The following NALF1 variants were observed in gnomAD, a reference collection of about 807,000 sequenced individuals.
The protein encoded by NALF1 is NALCN channel auxiliary factor 1, also known as family with sequence similarity 155 member A.
A neutral mutation model predicts 48.4 loss-of-function variants in NALF1; 3 were observed. That is an observed-to-expected ratio of 0.06 (90% CI 0.03 to 0.16). NALF1 has a LOEUF of 0.16. Among genes scored for constraint, NALF1 ranks in the 10% least tolerant of loss-of-function variants. The probability of loss-of-function intolerance (pLI) is 1.00; values close to 1 mark genes in which losing one functional copy is unlikely to be tolerated. For synonymous variants in NALF1, 262 were observed against 245.7 expected (o/e 1.07, Z -0.62); for missense variants, 526 against 571.5 (o/e 0.92, Z 0.81).
At chr13:107,437,856 A>G (rs1884488181) in intron 1 of NALF1, among the ~76,000 whole-genome samples, 1 of 152,192 alleles carries the variant, frequency 6.6e-6, no homozygotes. Flanking sequence ...TTTTACCTCG[A>G]AAACAGAAAG....
rs556803962 is a variant in NALF1 at position 107,456,811 on chromosome 13, ATGG to A, written c.916-246059_916-246057del. ...TTGAAATTACCATAAACTCTAGGAA[ATGG>A]TAGCATTTCCTTAAGAGGTAAGAGT... On this transcript the variant is annotated intron_variant, in intron 1 of 2. Transcript: ENST00000375915. 3.3e-5 allele frequency among the ~76,000 whole-genome samples: 5 copies of A among 152,304 alleles called. No homozygotes were observed. In the South Asian group the frequency reaches 1.0e-3, roughly 32 times the overall value.
At chr13:107,500,267 T>C (rs931789141) in intron 1 of NALF1, among the ~76,000 whole-genome samples, 19 of 152,100 alleles carry the variant, frequency 1.2e-4, no homozygotes, top group Admixed American at 9.8e-4. Flanking sequence ...GGGTAACAAA[T>C]AAAGAATAGA....
At chr13:107,731,735 A>C (rs377577835) in intron 1 of NALF1, among the ~76,000 whole-genome samples, 2 of 152,108 alleles carry the variant, frequency 1.3e-5, no homozygotes, top group African/African-American at 2.4e-5. Flanking sequence ...ACATGATCTC[A>C]TTCCTTTTTA....
chr13:107,382,088 C>T (rs532341432), intron 1 of NALF1, among the ~76,000 whole-genome samples: 1 of 152,312 alleles, frequency 6.6e-6, no homozygotes, highest in Non-Finnish European at 1.5e-5. Context: ...TCATCTCTTG[C>T]TGGGCTTCTG....
At chr13:107,751,878 A>G (rs1358597354) in intron 1 of NALF1, among the ~76,000 whole-genome samples, 1 of 152,158 alleles carries the variant, frequency 6.6e-6, no homozygotes, top group East Asian at 1.9e-4. Flanking sequence ...AATTTAAAAT[A>G]ATATCAAAAC....
intron 1 of NALF1, among the ~76,000 whole-genome samples, chr13:107,254,059 T>TAAAAAAAAAAAA (rs1466572812): frequency 2.4e-5 from 3 of 127,024 alleles, no homozygotes; most frequent in Admixed American, 8.5e-5. Context: ...GAGCAAGTAC[T>TAAAAAAAAAAAA]AAAATATATA....
chr13:107,690,451 T>C (rs538329915), intron 1 of NALF1, among the ~76,000 whole-genome samples: 10 of 152,300 alleles, frequency 6.6e-5, no homozygotes, highest in South Asian at 2.1e-4. Flanking sequence ...TCTGGAATGA[T>C]AGATTTTACG....
chr13:107,278,793 A>C (rs1881330350), intron 1 of NALF1, among the ~76,000 whole-genome samples: 1 of 152,232 alleles, frequency 6.6e-6, no homozygotes, highest in Middle Eastern at 3.2e-3. Context: ...AATATGCTAG[A>C]AGAAGATCAT....
chr13:107,328,654 T>C (rs751733775), intron 1 of NALF1, among the ~76,000 whole-genome samples: 5 of 152,164 alleles, frequency 3.3e-5, no homozygotes, highest in African/African-American at 4.8e-5. Flanking sequence ...AATGCCTCAA[T>C]CAATCCTTTT....
intron 1 of NALF1, among the ~76,000 whole-genome samples, chr13:107,656,331 T>C (rs949316807): frequency 6.6e-6 from 1 of 151,672 alleles, no homozygotes; most frequent in African/African-American, 2.4e-5. Flanking sequence ...AACAATCCCA[T>C]CAAAAAGTGA....
At chr13:107,242,133 C>A (rs1366658036) in intron 1 of NALF1, among the ~76,000 whole-genome samples, 1 of 152,194 alleles carries the variant, frequency 6.6e-6, no homozygotes, top group Non-Finnish European at 1.5e-5. Context: ...AACCTGTTTC[C>A]TATCCAGCAT....
intron 1 of NALF1, among the ~76,000 whole-genome samples, chr13:107,341,382 G>A (rs189861610): frequency 6.6e-6 from 1 of 151,782 alleles, no homozygotes; most frequent in South Asian, 2.1e-4. Flanking sequence ...ACATATGATC[G>A]AGCCAGCCTC....
intron 1 of NALF1, among the ~76,000 whole-genome samples, chr13:107,652,334 C>T (rs1403099996): frequency 6.6e-6 from 1 of 152,090 alleles, no homozygotes; most frequent in Non-Finnish European, 1.5e-5. Flanking sequence ...TGCTTAATGA[C>T]TTTTAACATA....
At chr13:107,861,118 A>G (rs1880557489) in intron 1 of NALF1, among the ~76,000 whole-genome samples, 1 of 152,222 alleles carries the variant, frequency 6.6e-6, no homozygotes, top group Non-Finnish European at 1.5e-5. Context: ...ATCATAAATC[A>G]ATAGTTGTAC....
At chr13:107,685,335 CA>C (rs1301771232) in intron 1 of NALF1, among the ~76,000 whole-genome samples, 1 of 151,928 alleles carries the variant, frequency 6.6e-6, no homozygotes, top group Non-Finnish European at 1.5e-5. Flanking sequence ...AACAAAAAAA[CA>C]AAAACAAGAA....
intron 1 of NALF1, among the ~76,000 whole-genome samples, chr13:107,301,023 C>CA (rs1881826267): frequency 6.6e-6 from 1 of 152,176 alleles, no homozygotes; most frequent in Admixed American, 6.5e-5. Context: ...TCAGAGTTTG[C>CA]AAAATACCCA....
chr13:107,512,415 G>A (rs555318598), intron 1 of NALF1, among the ~76,000 whole-genome samples: 1 of 152,174 alleles, frequency 6.6e-6, no homozygotes, highest in African/African-American at 2.4e-5. Flanking sequence ...AGAAAAACCT[G>A]GTTTAGTTCA....
chr13:107,545,309 G>A (rs1877107746), intron 1 of NALF1, among the ~76,000 whole-genome samples: 2 of 152,234 alleles, frequency 1.3e-5, no homozygotes, highest in Admixed American at 1.3e-4. Context: ...CAACCTGGAA[G>A]CTGAGAGTGG....
intron 1 of NALF1, among the ~76,000 whole-genome samples, chr13:107,604,058 T>C (rs1879001515): frequency 1.3e-5 from 2 of 152,186 alleles, no homozygotes; most frequent in Non-Finnish European, 2.9e-5. Context: ...AAGACAGAAA[T>C]GATTCATGTA....
Sources: gnomAD v4.1 joint callset for allele counts (sites outside exome capture counted in the v4.1 genomes callset) on GRCh38, gnomAD v4.1.1 for gene constraint, MANE v1.5 for transcripts, NCBI Gene and HGNC (gene_info 2026-07-23, HGNC 2026-07-21) for gene names.